Variants in ZNF148 observed in about 807,000 individuals in gnomAD.
ZNF148 encodes Beta-Enolase Repressor Factor-1.
In ZNF148, 7 loss-of-function variants were observed where a neutral mutation model predicts 67.7. The ratio of observed to expected loss-of-function variants is 0.10; its 90% CI spans 0.06 to 0.19. The LOEUF (loss-of-function observed/expected upper bound fraction) is 0.19. Among genes scored for constraint, ZNF148 ranks in the 10% least tolerant of loss-of-function variants. The pLI is 1.00. For synonymous variants in ZNF148, 333 were observed against 330.7 expected (o/e 1.01, Z -0.08); for missense variants, 583 against 947.1 (o/e 0.62, Z 5.05).
intron 5 of ZNF148, among the ~76,000 whole-genome samples, chr3:125,282,851 T>C (rs1274092819): frequency 1.3e-5 from 2 of 152,156 alleles, no homozygotes; most frequent in African/African-American, 4.8e-5. Flanking sequence ...AAATGAAACC[T>C]GACACCCCTC....
chr3:125,288,465 GAAA>G (rs1260699453), intron 4 of ZNF148, among the ~76,000 whole-genome samples: 5 of 151,276 alleles, frequency 3.3e-5, no homozygotes, highest in Non-Finnish European at 5.9e-5. Flanking sequence ...ATCTACCTGA[GAAA>G]AAAGATCAAA....
At chr3:125,291,965 TTAACTGTACTG>T (rs1939040053) in intron 4 of ZNF148, among the ~76,000 whole-genome samples, 1 of 152,168 alleles carries the variant, frequency 6.6e-6, no homozygotes, top group African/African-American at 2.4e-5. Context: ...TATAACACAA[TTAACTGTACTG>T]TAAACGTACT....
intron 2 of ZNF148, among the ~76,000 whole-genome samples, chr3:125,329,179 G>A (rs1285440245): frequency 6.7e-6 from 1 of 149,702 alleles, no homozygotes; most frequent in Non-Finnish European, 1.5e-5. Flanking sequence ...TGTTGAACAT[G>A]ACAATTATCA....
At chr3:125,331,882 G>T (rs1941305154) in intron 1 of ZNF148, among the ~76,000 whole-genome samples, 1 of 151,952 alleles carries the variant, frequency 6.6e-6, no homozygotes, top group African/African-American at 2.4e-5. Context: ...CATGTAACTG[G>T]GATTTTTCTG....
At chr3:125,328,817 A>G (rs1461182845) in intron 2 of ZNF148, among the ~76,000 whole-genome samples, 5 of 152,052 alleles carry the variant, frequency 3.3e-5, no homozygotes, top group East Asian at 3.8e-4. Context: ...AATCAACAAA[A>G]AACTGACAAA....
chr3:125,236,611 G>C (rs919211622), intron 7 of ZNF148, among the ~76,000 whole-genome samples: 6 of 152,110 alleles, frequency 3.9e-5, no homozygotes, highest in Admixed American at 3.3e-4. Context: ...TCTAAGAAGA[G>C]AATTTAATTT....
At chr3:125,241,931 C>T (rs889395588) in intron 7 of ZNF148, among the ~76,000 whole-genome samples, 3 of 152,192 alleles carry the variant, frequency 2.0e-5, no homozygotes, top group Admixed American at 6.5e-5. Context: ...TTTCTGATGA[C>T]TACATATCTA....
chr3:125,330,889 C>A (rs921838147), intron 2 of ZNF148, among the ~76,000 whole-genome samples: 1 of 151,660 alleles, frequency 6.6e-6, no homozygotes, highest in African/African-American at 2.4e-5. Context: ...GGAAATGAGG[C>A]CTAAAAGATA....
intron 4 of ZNF148, among the ~76,000 whole-genome samples, chr3:125,293,356 A>G (rs1939118110): frequency 6.6e-6 from 1 of 152,208 alleles, no homozygotes; most frequent in Non-Finnish European, 1.5e-5. Flanking sequence ...TGTGTGGGTT[A>G]GTAGACATAC....
intron 4 of ZNF148, among the ~76,000 whole-genome samples, chr3:125,312,040 C>T (rs571296518): frequency 3.9e-5 from 6 of 152,328 alleles, no homozygotes; most frequent in South Asian, 4.1e-4. Context: ...CAGTTCTCTA[C>T]AATCTCTTCC....
chr3:125,293,630 C>A (rs1166981163), intron 4 of ZNF148, among the ~76,000 whole-genome samples: 1 of 152,030 alleles, frequency 6.6e-6, no homozygotes, highest in Non-Finnish European at 1.5e-5. Context: ...TCCTAATGAC[C>A]AAAGATGGAA....
chr3:125,238,984 G>A (rs1034933405), intron 7 of ZNF148, among the ~76,000 whole-genome samples: 4 of 152,112 alleles, frequency 2.6e-5, no homozygotes, highest in Admixed American at 6.5e-5. Flanking sequence ...AAGACATTAC[G>A]CTAAATGTAG....
At chr3:125,308,453 T>G (rs1429946392) in intron 4 of ZNF148, among the ~76,000 whole-genome samples, 1 of 151,756 alleles carries the variant, frequency 6.6e-6, no homozygotes, top group Non-Finnish European at 1.5e-5. Flanking sequence ...CATTATTGTT[T>G]AGATGTTGGT....
At chr3:125,365,099 G>A (rs1942661740) in intron 1 of ZNF148, among the ~76,000 whole-genome samples, 2 of 152,176 alleles carry the variant, frequency 1.3e-5, no homozygotes, top group South Asian at 4.1e-4. Context: ...TTGTGTCATA[G>A]ATGGATGTGT....
chr3:125,324,047 T>C lies in ZNF148; in HGVS notation c.-152-603A>G, dbSNP rs936295865. 8.6e-5 allele frequency among the ~76,000 whole-genome samples: 13 copies of C among 151,520 alleles called. No individual in the cohort carries two copies. The South Asian group carries it at 1.3e-3, about 15-fold the overall frequency. On this transcript the variant is annotated intron_variant, in intron 2 of 8. Coordinates refer to ENST00000360647, the MANE Select transcript of ZNF148 (RefSeq NM_021964.3). ...AGGATATTCAAGGAAATTCAGATAA[T>C]TACAAACCTAAAAGGTTAGAAAAAA...
intron 2 of ZNF148, among the ~76,000 whole-genome samples, chr3:125,328,578 T>C (rs1053363409): frequency 6.6e-6 from 1 of 151,878 alleles, no homozygotes; most frequent in African/African-American, 2.4e-5. Context: ...ATATACACTA[T>C]GTATGTGTCA....
At chr3:125,325,164 G>A (rs1363041383) in intron 2 of ZNF148, among the ~76,000 whole-genome samples, 1 of 152,120 alleles carries the variant, frequency 6.6e-6, no homozygotes, top group African/African-American at 2.4e-5. Flanking sequence ...CAACAAAGAT[G>A]CAGAAATTAT....
At chr3:125,291,269 TAAA>T (rs1938997226) in intron 4 of ZNF148, among the ~76,000 whole-genome samples, 7 of 152,146 alleles carry the variant, frequency 4.6e-5, no homozygotes, top group Admixed American at 4.6e-4. Flanking sequence ...CTTCTACAAA[TAAA>T]TGAATATAAA....
chr3:125,234,589 C>T (rs1935999357), intron 7 of ZNF148, among the ~76,000 whole-genome samples: 1 of 152,094 alleles, frequency 6.6e-6, no homozygotes, highest in Non-Finnish European at 1.5e-5. Flanking sequence ...AACAGCAGTG[C>T]CAGGAATTTA....
Sources: allele counts gnomAD v4.1 joint callset (sites outside exome capture counted in the v4.1 genomes callset), GRCh38; gene constraint gnomAD v4.1.1; transcripts MANE v1.5; gene names NCBI Gene and HGNC (gene_info 2026-07-23, HGNC 2026-07-21).